Variants in DYM observed in about 807,000 individuals in gnomAD.
DYM encodes the protein dymeclin, also known as dyggve-Melchior-Clausen syndrome protein.
In DYM, 78 loss-of-function variants were observed where a neutral mutation model predicts 93.1. The observed-to-expected ratio is 0.84, with a 90% confidence interval of 0.70 to 1.01. The LOEUF is 1.01. Among genes scored for constraint, DYM ranks in the 50% least tolerant of loss-of-function variants. DYM has a pLI of 0.00. For missense variants in DYM, 789 were observed against 845.0 expected, an observed-to-expected ratio of 0.93 and a Z score of 0.82; for synonymous variants, 321 against 319.7, an observed-to-expected ratio of 1.00 and a Z score of -0.04.
intron 14 of DYM, among the ~76,000 whole-genome samples, chr18:49,199,984 GAAAAGAAAAA>G: frequency 6.7e-6 from 1 of 149,370 alleles, no homozygotes; most frequent in Non-Finnish European, 1.5e-5. Context: ...CAGTTAAAAA[GAAAAGAAAAA>G]AAAAGAAGAA....
At chr18:49,140,979 C>T (rs1403050750) in intron 15 of DYM, among the ~76,000 whole-genome samples, 1 of 152,124 alleles carries the variant, frequency 6.6e-6, no homozygotes, top group Non-Finnish European at 1.5e-5. Context: ...TATAGTTGTT[C>T]ACTATTTCTT....
intron 1 of DYM, among the ~76,000 whole-genome samples, chr18:49,442,935 G>A (rs2081777495): frequency 6.6e-6 from 1 of 150,392 alleles, no homozygotes; most frequent in South Asian, 2.1e-4. Context: ...TCAGCTCACT[G>A]CAACCTTTGC....
At chr18:49,312,890 G>T (rs540337023) in intron 8 of DYM, among the ~76,000 whole-genome samples, 1 of 152,288 alleles carries the variant, frequency 6.6e-6, no homozygotes, top group South Asian at 2.1e-4. Context: ...TAGAAGCACA[G>T]ATTTAGGTAC....
rs146585162 is a variant in DYM, at chr18:49,135,134, C to G, written c.1729-16208G>C. ...GGAAAAAAACAAAACATAAAAAAAC[C>G]ACTTCTCTCCAGATACGTAAATAAA... On this transcript the variant is annotated intron_variant, in intron 15 of 17. Coordinates refer to ENST00000675505, the MANE Select transcript of DYM (RefSeq NM_001353214.3). Among the ~76,000 whole-genome samples, 682 of 151,990 alleles carry G rather than the reference C, an allele frequency of 4.5e-3. 2 individuals carry two copies. The highest frequency in any genetic ancestry group is 8.2e-3 in the Non-Finnish European group (557 of 67,952).
At chr18:49,281,254 T>C (rs993967926) in intron 10 of DYM, among the ~76,000 whole-genome samples, 1 of 152,220 alleles carries the variant, frequency 6.6e-6, no homozygotes, top group African/African-American at 2.4e-5. Flanking sequence ...CTCAATGAGA[T>C]ACCATCTCAC....
intron 17 of DYM, among the ~76,000 whole-genome samples, chr18:49,047,150 T>C (rs1226039266): frequency 2.0e-5 from 3 of 152,140 alleles, no homozygotes; most frequent in Non-Finnish European, 4.4e-5. Flanking sequence ...GCTCCCCACT[T>C]TGTGGCTACC....
chr18:49,267,154 A>C (rs2094583477), intron 11 of DYM, among the ~76,000 whole-genome samples: 1 of 152,120 alleles, frequency 6.6e-6, no homozygotes. Flanking sequence ...TGAAGAATGA[A>C]GGGTAATCTC....
intron 17 of DYM, among the ~76,000 whole-genome samples, chr18:49,073,173 T>C (rs1273227129): frequency 1.3e-5 from 2 of 152,228 alleles, no homozygotes; most frequent in East Asian, 1.9e-4. Context: ...GAAATGTGAA[T>C]AGCCTCATTC....
At chr18:49,454,476 CA>C (rs2082795847) in intron 1 of DYM, among the ~76,000 whole-genome samples, 1 of 152,152 alleles carries the variant, frequency 6.6e-6, no homozygotes, top group Non-Finnish European at 1.5e-5. Flanking sequence ...TGGTGCCAAT[CA>C]ACTGGAAAGC....
chr18:49,368,880 T>C (rs972130527), intron 5 of DYM, among the ~76,000 whole-genome samples: 2 of 152,254 alleles, frequency 1.3e-5, no homozygotes, highest in Non-Finnish European at 2.9e-5. Flanking sequence ...ATTTTAAATA[T>C]ACTTCCACAA....
intron 14 of DYM, among the ~76,000 whole-genome samples, chr18:49,193,281 T>A (rs911118235): frequency 6.6e-6 from 1 of 152,062 alleles, no homozygotes; most frequent in Non-Finnish European, 1.5e-5. Flanking sequence ...TTAGCTATTA[T>A]CACCACTACT....
At chr18:49,187,138 C>T (rs1001867801) in intron 14 of DYM, among the ~76,000 whole-genome samples, 2 of 152,020 alleles carry the variant, frequency 1.3e-5, no homozygotes, top group African/African-American at 4.8e-5. Context: ...CCAGGATAGT[C>T]TCAATCTCCT....
intron 2 of DYM, among the ~76,000 whole-genome samples, chr18:49,392,870 C>T (rs537611437): frequency 8.6e-5 from 13 of 150,854 alleles, no homozygotes; most frequent in African/African-American, 2.9e-4. Context: ...TGGTACACGC[C>T]TGTGATCCCA....
intron 17 of DYM, among the ~76,000 whole-genome samples, chr18:49,063,381 T>G (rs2076140578): frequency 6.6e-6 from 1 of 151,688 alleles, no homozygotes; most frequent in Non-Finnish European, 1.5e-5. Context: ...TAAGTTATAT[T>G]TTGTAAATAG....
At chr18:49,171,477 G>C (rs1267593474) in intron 14 of DYM, among the ~76,000 whole-genome samples, 1 of 152,154 alleles carries the variant, frequency 6.6e-6, no homozygotes, top group African/African-American at 2.4e-5. Flanking sequence ...CCTAGGTGTA[G>C]AGAGTTAGGT....
At chr18:49,360,578 C>T (rs539109215) in intron 6 of DYM, among the ~76,000 whole-genome samples, 18 of 151,526 alleles carry the variant, frequency 1.2e-4, no homozygotes, top group African/African-American at 2.7e-4. Flanking sequence ...GCTGAGATCA[C>T]GCCACTGCAC....
chr18:49,172,624 G>A (rs1600332264), intron 14 of DYM, among the ~76,000 whole-genome samples: 1 of 152,186 alleles, frequency 6.6e-6, no homozygotes, highest in East Asian at 1.9e-4. Flanking sequence ...AGTTGTAAGA[G>A]TTCTTTATAT....
intron 15 of DYM, among the ~76,000 whole-genome samples, chr18:49,131,729 C>G (rs1486693895): frequency 6.6e-6 from 1 of 152,126 alleles, no homozygotes; most frequent in East Asian, 1.9e-4. Flanking sequence ...ATTTGTGAAC[C>G]AAATAGTACC....
intron 8 of DYM, among the ~76,000 whole-genome samples, chr18:49,318,330 T>C (rs939983722): frequency 7.2e-5 from 11 of 152,088 alleles, no homozygotes; most frequent in African/African-American, 2.7e-4. Flanking sequence ...GTCTAGAAAT[T>C]ATCTTTAAGC....
Sources: gnomAD v4.1 joint callset for allele counts (sites outside exome capture counted in the v4.1 genomes callset) on GRCh38, gnomAD v4.1.1 for gene constraint, MANE v1.5 for transcripts, NCBI Gene and HGNC (gene_info 2026-07-23, HGNC 2026-07-21) for gene names.